The following PTPRN2 variants were observed in gnomAD, a reference collection of about 807,000 sequenced individuals.
The protein encoded by PTPRN2 is receptor-type tyrosine-protein phosphatase N2.
Under a neutral mutation model 118.8 loss-of-function variants are expected in PTPRN2, and 74 were observed. The ratio of observed to expected loss-of-function variants is 0.62; its 90% CI spans 0.52 to 0.76. The LOEUF (loss-of-function observed/expected upper bound fraction) is 0.76. Among genes scored for constraint, PTPRN2 ranks in the 30% least tolerant of loss-of-function variants. The pLI is 0.00. For synonymous variants in PTPRN2, 641 were observed against 608.0 expected, an observed-to-expected ratio of 1.05 and a Z score of -0.80; for missense variants, 1,481 against 1,394.4, an observed-to-expected ratio of 1.06 and a Z score of -0.99.
intron 11 of PTPRN2, among the ~76,000 whole-genome samples, chr7:157,973,417 C>T (rs1288340228): frequency 1.3e-5 from 2 of 152,134 alleles, no homozygotes; most frequent in African/African-American, 2.4e-5. Flanking sequence ...TTTAAAAGTT[C>T]CAGACATCCA....
rs528739228 is a variant in PTPRN2, at chr7:157,674,830, G to A, written c.2001+7895C>T. 1.0e-3 allele frequency among the ~76,000 whole-genome samples: 154 copies of A among 152,328 alleles called. 1 individual carries two copies. Among genetic ancestry groups the A allele is most frequent in the Middle Eastern group, 3.4e-3 (1 of 294 alleles). On this transcript the variant is annotated intron_variant, in intron 13 of 22. Coordinates refer to ENST00000389418, the MANE Select transcript of PTPRN2 (RefSeq NM_002847.5). This position sits in a 1 kb window ranked among gnomAD's most constrained non-coding sequence, Gnocchi z 4.5. ...TGCCGGGCGTCTCCTCCCACGCCGA[G>A]CTCCTCCTGCCGGGGGGGTCTGCAC... is the stretch of plus-strand genomic sequence containing the variant.
intron 2 of PTPRN2, among the ~76,000 whole-genome samples, chr7:158,466,479 G>C (rs1819396329): frequency 1.3e-5 from 2 of 152,028 alleles, no homozygotes; most frequent in Admixed American, 1.3e-4. Flanking sequence ...ATGTCCTCCA[G>C]GTTCATCCAT....
rs578071187 is a variant in PTPRN2, at chr7:158,333,809, C to A, written c.164-16877G>T. On this transcript the variant is annotated intron_variant, in intron 2 of 22. Transcript: ENST00000389418. ...ACACTCTCACCATAAGAGCTGAGGC[C>A]CACAGAGGTCACTCACACCCACACT... 3.0e-3 allele frequency among the ~76,000 whole-genome samples: 442 copies of A among 147,668 alleles called. 4 individuals are homozygous for A. Among genetic ancestry groups the A allele is most frequent in the African/African-American group, 0.01 (414 of 39,808 alleles).
chr7:158,399,927 T>C (rs1489671449), intron 2 of PTPRN2, among the ~76,000 whole-genome samples: 1 of 152,170 alleles, frequency 6.6e-6, no homozygotes, highest in East Asian at 1.9e-4. Flanking sequence ...GCACTTGCAG[T>C]CCCACAGGGA....
At chr7:157,635,756 C>T (rs1804275685) in intron 14 of PTPRN2, among the ~76,000 whole-genome samples, 1 of 152,092 alleles carries the variant, frequency 6.6e-6, no homozygotes, top group African/African-American at 2.4e-5. Flanking sequence ...GACTCTCACC[C>T]CAGCCAGGAT....
chr7:157,571,358 A>G, intron 20 of PTPRN2, 82 bp downstream of exon 20: 4 of 1,102,644 alleles, frequency 3.6e-6, no homozygotes, highest in Non-Finnish European at 5.3e-6. Flanking sequence ...AAGCAATTAG[A>G]AAGTTAAGCT....
chr7:158,127,514 G>A (rs765317049), intron 9 of PTPRN2, among the ~76,000 whole-genome samples: 29 of 152,284 alleles, frequency 1.9e-4, no homozygotes, highest in Middle Eastern at 6.8e-3. Flanking sequence ...CCGGACTTCC[G>A]TGGGTCAAGG....
At chr7:157,575,678 C>A (rs1799998700) in intron 19 of PTPRN2, among the ~76,000 whole-genome samples, 1 of 152,190 alleles carries the variant, frequency 6.6e-6, no homozygotes, top group African/African-American at 2.4e-5. Flanking sequence ...CGTTAACCTC[C>A]CTCCAGTTAC....
chr7:158,434,657 T>C (rs1816449529), intron 2 of PTPRN2, among the ~76,000 whole-genome samples: 1 of 152,216 alleles, frequency 6.6e-6, no homozygotes, highest in Non-Finnish European at 1.5e-5. Flanking sequence ...ATTACTAATA[T>C]ATTGGGATTT....
At chr7:158,011,243 T>C (rs1806026850) in intron 11 of PTPRN2, among the ~76,000 whole-genome samples, 1 of 152,228 alleles carries the variant, frequency 6.6e-6, no homozygotes, top group Non-Finnish European at 1.5e-5. Flanking sequence ...TCAGCCCGTC[T>C]TCTCACAACA....
At chr7:157,898,803 G>T in intron 11 of PTPRN2, 66 bp from the exon 12 acceptor site, 2 of 1,383,558 alleles carry the variant, frequency 1.4e-6, no homozygotes, top group Non-Finnish European at 2.1e-6. Context: ...GGGCACCTCT[G>T]AGTATTTTCC....
intron 1 of PTPRN2, among the ~76,000 whole-genome samples, chr7:158,576,388 A>T (rs1406635552): frequency 6.6e-6 from 1 of 152,220 alleles, no homozygotes; most frequent in African/African-American, 2.4e-5. Context: ...TTTTTTAAGC[A>T]CATTCCAGGC....
chr7:158,267,132 A>C (rs1797939310), intron 3 of PTPRN2, among the ~76,000 whole-genome samples: 4 of 152,220 alleles, frequency 2.6e-5, no homozygotes, highest in Admixed American at 2.6e-4. Flanking sequence ...CATTTAAGAG[A>C]TCTAGAAATG....
chr7:158,257,132 G>A (rs1797070662), intron 3 of PTPRN2, among the ~76,000 whole-genome samples: 1 of 152,142 alleles, frequency 6.6e-6, no homozygotes, highest in African/African-American at 2.4e-5. Flanking sequence ...CCAGAATCAT[G>A]CTCAAAGAGG....
At chr7:157,793,004 TTAAA>T (rs1219423620) in intron 12 of PTPRN2, among the ~76,000 whole-genome samples, 1 of 152,190 alleles carries the variant, frequency 6.6e-6, no homozygotes, top group African/African-American at 2.4e-5. Context: ...AGTGATGAGC[TTAAA>T]TAAATGAGAT....
intron 2 of PTPRN2, among the ~76,000 whole-genome samples, chr7:158,425,887 G>A (rs1815706605): frequency 7.2e-6 from 1 of 139,586 alleles, no homozygotes; most frequent in South Asian, 2.3e-4. Flanking sequence ...GCCTAGCTGA[G>A]GCCTGCACAG....
intron 12 of PTPRN2, among the ~76,000 whole-genome samples, chr7:157,853,179 C>T (rs1452306485): frequency 2.0e-5 from 3 of 152,174 alleles, no homozygotes; most frequent in Admixed American, 6.5e-5. Flanking sequence ...CTGGCAACAC[C>T]ACACTGCCCC....
At chr7:157,927,055 G>A (rs34202416) in intron 11 of PTPRN2, among the ~76,000 whole-genome samples, 21,775 of 104,914 alleles carry the variant, frequency 0.21, 3,662 homozygotes, top group Middle Eastern at 0.33. Context: ...CCGTCTGAGA[G>A]CAGAGGCCTC....
chr7:157,620,253 G>A (rs546189859), intron 15 of PTPRN2, among the ~76,000 whole-genome samples: 3 of 152,276 alleles, frequency 2.0e-5, no homozygotes, highest in South Asian at 4.1e-4. Context: ...TATACACATA[G>A]AGGATGAGTG....
Sources: gnomAD v4.1 joint callset for allele counts (sites outside exome capture counted in the v4.1 genomes callset) on GRCh38, gnomAD v4.1.1 for gene constraint, Gnocchi (gnomAD v3.1) non-coding constraint, MANE v1.5 for transcripts, NCBI Gene and HGNC (gene_info 2026-07-23, HGNC 2026-07-21) for gene names.